The following EPHA6 variants were observed in gnomAD, a reference collection of about 807,000 sequenced individuals.
EPHA6 encodes the protein ephrin type-A receptor 6.
A neutral mutation model predicts 112.0 loss-of-function variants in EPHA6; 50 were observed. The ratio of observed to expected loss-of-function variants is 0.45; its 90% CI spans 0.36 to 0.56. The LOEUF (loss-of-function observed/expected upper bound fraction) is 0.56, where lower values mean the gene tolerates loss of function less well. Ranked by LOEUF, EPHA6 falls within the 20% of genes least tolerant of loss-of-function variation. EPHA6 has a pLI of 0.00. For synonymous variants in EPHA6, 529 were observed against 490.7 expected, an observed-to-expected ratio of 1.08 and a Z score of -1.03; for missense variants, 1,280 against 1,417.4, an observed-to-expected ratio of 0.90 and a Z score of 1.56.
intron 12 of EPHA6, among the ~76,000 whole-genome samples, chr3:97,602,190 T>C (rs1332310567): frequency 6.6e-6 from 1 of 152,050 alleles, no homozygotes; most frequent in East Asian, 1.9e-4. Flanking sequence ...AGAATATTAA[T>C]ATAATATAAA....
At chr3:96,976,729 A>C (rs2042540069) in intron 2 of EPHA6, among the ~76,000 whole-genome samples, 1 of 152,160 alleles carries the variant, frequency 6.6e-6, no homozygotes. Context: ...CTTCATGAAG[A>C]TATGACCTTG....
intron 7 of EPHA6, among the ~76,000 whole-genome samples, chr3:97,462,959 A>C (rs1221807277): frequency 6.6e-6 from 1 of 152,120 alleles, no homozygotes; most frequent in African/African-American, 2.4e-5. Flanking sequence ...AATCCTTGTG[A>C]ATCTTTGACA....
chr3:97,046,837 G>A (rs557743128), intron 3 of EPHA6, among the ~76,000 whole-genome samples: 30 of 152,006 alleles, frequency 2.0e-4, no homozygotes, highest in African/African-American at 6.7e-4. Flanking sequence ...CTTTATTAAA[G>A]ATCAAAAACT....
At position 97,075,470 on chromosome 3, in the gene EPHA6, T is replaced by C. The variant is rs566128210; in HGVS notation, c.1114+87477T>C. On this transcript the variant is annotated intron_variant, in intron 3 of 17. Transcript: ENST00000389672. Reference sequence around the variant, plus strand: ...AGGCAATAATGATATGTTTAGCTTCTAGAAAACCTAAAGCACTGTAACTTA... The same window carrying C: ...AGGCAATAATGATATGTTTAGCTTCCAGAAAACCTAAAGCACTGTAACTTA... 2.9e-3 allele frequency among the ~76,000 whole-genome samples: 448 copies of C among 152,152 alleles called. 3 individuals carry two copies. Among genetic ancestry groups the C allele is most frequent in the African/African-American group, 9.7e-3 (405 of 41,542 alleles).
At chr3:96,969,043 G>A (rs140659421) in intron 2 of EPHA6, among the ~76,000 whole-genome samples, 1,620 of 151,852 alleles carry the variant, frequency 0.011, 35 homozygotes, top group African/African-American at 0.037. Flanking sequence ...TTAAAAAATA[G>A]AATGTAGAAG....
At chr3:97,676,749 G>A (rs1021659724) in intron 14 of EPHA6, among the ~76,000 whole-genome samples, 2 of 152,178 alleles carry the variant, frequency 1.3e-5, no homozygotes, top group African/African-American at 4.8e-5. Flanking sequence ...TTTATCTCTA[G>A]TACTGGAAGG....
At chr3:97,691,833 G>A (rs1233294928) in intron 14 of EPHA6, among the ~76,000 whole-genome samples, 2 of 152,164 alleles carry the variant, frequency 1.3e-5, no homozygotes, top group Non-Finnish European at 2.9e-5. Flanking sequence ...AGAAAAAGGA[G>A]AAAATTCTCT....
At chr3:97,386,325 C>G (rs1259455351) in intron 5 of EPHA6, among the ~76,000 whole-genome samples, 1 of 152,004 alleles carries the variant, frequency 6.6e-6, no homozygotes, top group Non-Finnish European at 1.5e-5. Context: ...TGGACTAATA[C>G]AGAAAATTTG....
chr3:97,720,464 T>C (rs1237444607), intron 15 of EPHA6, 54 bp downstream of exon 15: 16 of 1,483,326 alleles, frequency 1.1e-5, no homozygotes, highest in Non-Finnish European at 1.3e-5. Flanking sequence ...CACATTAGCT[T>C]GAGGGGGAAT....
chr3:97,018,539 C>A (rs2044343245), intron 3 of EPHA6, among the ~76,000 whole-genome samples: 1 of 152,202 alleles, frequency 6.6e-6, no homozygotes, highest in South Asian at 2.1e-4. Flanking sequence ...CCCTGCCTGG[C>A]AGCTGAGGCA....
At chr3:97,216,675 CACGA>C (rs796861499) in intron 3 of EPHA6, among the ~76,000 whole-genome samples, 182 of 152,258 alleles carry the variant, frequency 1.2e-3, no homozygotes, top group African/African-American at 4.2e-3. Context: ...AAAGTGGTAG[CACGA>C]ACTTAAACTC....
At chr3:97,045,153 G>T (rs573882969) in intron 3 of EPHA6, among the ~76,000 whole-genome samples, 3 of 152,074 alleles carry the variant, frequency 2.0e-5, no homozygotes, top group Admixed American at 6.6e-5. Context: ...GACTTTAAGT[G>T]ATATTTGGTG....
chr3:97,403,538 C>T (rs2087127114), intron 5 of EPHA6, among the ~76,000 whole-genome samples: 1 of 152,188 alleles, frequency 6.6e-6, no homozygotes, highest in Non-Finnish European at 1.5e-5. Context: ...ACTCCGCCTC[C>T]CGGGTTCACG....
chr3:97,259,346 CTTT>C (rs56739936), intron 5 of EPHA6, among the ~76,000 whole-genome samples: 3 of 151,170 alleles, frequency 2.0e-5, no homozygotes, highest in Non-Finnish European at 4.4e-5. Flanking sequence ...TCAACCTTAT[CTTT>C]TTTTTTGTTT....
chr3:97,719,303 T>C (rs2034404609), intron 14 of EPHA6, among the ~76,000 whole-genome samples: 1 of 152,006 alleles, frequency 6.6e-6, no homozygotes, highest in African/African-American at 2.4e-5. Flanking sequence ...TGGTGAGCTC[T>C]GACTGTCAAA....
chr3:96,847,181 C>T (rs2035120555), intron 1 of EPHA6, among the ~76,000 whole-genome samples: 1 of 151,982 alleles, frequency 6.6e-6, no homozygotes, highest in African/African-American at 2.4e-5. Context: ...AATAAGACAA[C>T]AGCATTTGCT....
chr3:97,673,615 TG>T (rs1269227932), intron 14 of EPHA6, among the ~76,000 whole-genome samples: 1 of 152,204 alleles, frequency 6.6e-6, no homozygotes, highest in African/African-American at 2.4e-5. Context: ...TACTGTAATT[TG>T]AGGACAGCGA....
chr3:97,191,993 G>T (rs1346940188), intron 3 of EPHA6, among the ~76,000 whole-genome samples: 2 of 152,050 alleles, frequency 1.3e-5, no homozygotes, highest in Non-Finnish European at 2.9e-5. Flanking sequence ...ACTAGTATTT[G>T]TTATTGCCTG....
At chr3:96,999,102 G>T (rs775417543) in intron 3 of EPHA6, among the ~76,000 whole-genome samples, 12 of 151,840 alleles carry the variant, frequency 7.9e-5, no homozygotes, top group Non-Finnish European at 1.5e-4. Flanking sequence ...AAATTAATCT[G>T]ATTATTTAGT....
Sources: allele counts gnomAD v4.1 joint callset (sites outside exome capture counted in the v4.1 genomes callset), GRCh38; gene constraint gnomAD v4.1.1; transcripts MANE v1.5; gene names NCBI Gene and HGNC (gene_info 2026-07-23, HGNC 2026-07-21).